Variants in PDE1C observed in about 807,000 individuals in gnomAD.
The protein encoded by PDE1C is dual specificity calcium/calmodulin-dependent 3',5'-cyclic nucleotide phosphodiesterase 1C.
Under a neutral mutation model 93.1 loss-of-function variants are expected in PDE1C, and 62 were observed. The observed-to-expected ratio is 0.67, with a 90% CI of 0.54 to 0.82. The LOEUF is 0.82. Among genes scored for constraint, PDE1C ranks in the 40% least tolerant of loss-of-function variants. PDE1C has a pLI of 0.00. For missense variants in PDE1C, 742 were observed against 884.6 expected, an observed-to-expected ratio of 0.84 and a Z score of 2.04; for synonymous variants, 325 against 310.1, an observed-to-expected ratio of 1.05 and a Z score of -0.50.
the PDE1C span, among the ~76,000 whole-genome samples, chr7:31,635,946 A>T: frequency 5.5e-3 from 844 of 152,184 alleles, 10 homozygotes; most frequent in African/African-American, 0.019. Flanking sequence ...AATTTTTTTT[A>T]AAAAAAGAAA....
At chr7:32,228,100 C>G (rs1430201838) in intron 1 of PDE1C, among the ~76,000 whole-genome samples, 1 of 152,224 alleles carries the variant, frequency 6.6e-6, no homozygotes, top group Non-Finnish European at 1.5e-5. Flanking sequence ...TAACACCTCT[C>G]TACTGTCATT....
At chr7:31,967,502 T>A (rs1810199768) in intron 2 of PDE1C, among the ~76,000 whole-genome samples, 1 of 152,194 alleles carries the variant, frequency 6.6e-6, no homozygotes, top group African/African-American at 2.4e-5. Context: ...CACGACCAGA[T>A]GGATTCACAG....
intron 1 of PDE1C, among the ~76,000 whole-genome samples, chr7:32,061,826 C>A (rs917253888): frequency 1.3e-5 from 2 of 152,142 alleles, no homozygotes; most frequent in Admixed American, 6.5e-5. Flanking sequence ...CAAGTAAATG[C>A]CAATGAGAAA....
chr7:31,933,734 G>A (rs1804647640), intron 2 of PDE1C, among the ~76,000 whole-genome samples: 1 of 152,154 alleles, frequency 6.6e-6, no homozygotes, highest in African/African-American at 2.4e-5. Context: ...AAGCTCATGA[G>A]AGATCTGTTG....
the PDE1C span, among the ~76,000 whole-genome samples, chr7:31,623,301 A>T: frequency 4.2e-3 from 645 of 152,196 alleles, 8 homozygotes; most frequent in African/African-American, 0.015. Flanking sequence ...GACACAACCA[A>T]AAAAGAGAAT....
the PDE1C span, among the ~76,000 whole-genome samples, chr7:31,717,591 A>C: frequency 6.6e-6 from 1 of 152,336 alleles, no homozygotes; most frequent in South Asian, 2.1e-4. Flanking sequence ...CTAGGAAGCT[A>C]ACCAATCAGG....
intron 3 of PDE1C, among the ~76,000 whole-genome samples, chr7:32,122,020 A>C (rs1799328067): frequency 6.6e-6 from 1 of 152,248 alleles, no homozygotes; most frequent in African/African-American, 2.4e-5. Flanking sequence ...AAGGGGAAGG[A>C]GGAAAATTTA....
chr7:31,825,157 C>T (rs1393046081), intron 12 of PDE1C, among the ~76,000 whole-genome samples, 170 bp from the exon 13 acceptor site: 1 of 152,156 alleles, frequency 6.6e-6, no homozygotes, highest in East Asian at 1.9e-4. Flanking sequence ...TTTCATTTCT[C>T]CTACATAACT....
rs117579565 is a variant in PDE1C, at chr7:32,094,428, C to T, written c.308+75357G>A. 1.7e-3 allele frequency among the ~76,000 whole-genome samples: 262 copies of T among 152,206 alleles called. 1 individual carries two copies. The highest frequency in any genetic ancestry group is 3.2e-3 in the Non-Finnish European group (218 of 68,010). ...CACATGATATTTTGCTTGACTGTAG[C>T]GGAGGGTATGTGGATTTTTACTACT... On this transcript the variant is annotated intron_variant, in intron 3 of 18. Coordinates refer to the PDE1C transcript ENST00000396193.
At chr7:31,769,392 T>C (rs756876122) in intron 17 of PDE1C, among the ~76,000 whole-genome samples, 11 of 152,198 alleles carry the variant, frequency 7.2e-5, no homozygotes, top group Admixed American at 1.3e-4. Context: ...TGTCATTCAA[T>C]GTCTTTAGGT....
At chr7:32,389,862 T>G (rs1487385569) in intron 1 of PDE1C, among the ~76,000 whole-genome samples, 1 of 152,202 alleles carries the variant, frequency 6.6e-6, no homozygotes, top group Non-Finnish European at 1.5e-5. Context: ...GAAAAACTTG[T>G]CTAAATTCCA....
chr7:32,404,521 T>TTTTTTTA (rs1447854558), intron 1 of PDE1C, among the ~76,000 whole-genome samples: 4 of 152,048 alleles, frequency 2.6e-5, no homozygotes, highest in Non-Finnish European at 5.9e-5. Context: ...ACCTGGCTAA[T>TTTTTTTA]TTTTTTATTT....
At chr7:31,890,563 A>T (rs1798492066) in intron 2 of PDE1C, among the ~76,000 whole-genome samples, 1 of 152,140 alleles carries the variant, frequency 6.6e-6, no homozygotes, top group Admixed American at 6.5e-5. Flanking sequence ...CCTCAATTGC[A>T]TCATGTTGGT....
chr7:31,994,170 G>C (rs1784457400), intron 2 of PDE1C, among the ~76,000 whole-genome samples: 1 of 152,110 alleles, frequency 6.6e-6, no homozygotes, highest in Non-Finnish European at 1.5e-5. Flanking sequence ...GGTAGAAAGG[G>C]TCACCAATTC....
At chr7:31,878,931 C>T in intron 4 of PDE1C, 65 bp downstream of exon 4, 1 of 1,463,602 alleles carries the variant, frequency 6.8e-7, no homozygotes, top group Non-Finnish European at 9.4e-7. Flanking sequence ...GCAAAGCTTC[C>T]AGTTATTGGA....
At chr7:32,309,284 G>C (rs915631122) in intron 1 of PDE1C, among the ~76,000 whole-genome samples, 1 of 152,214 alleles carries the variant, frequency 6.6e-6, no homozygotes, top group Non-Finnish European at 1.5e-5. Flanking sequence ...TGGTGTACCT[G>C]AAAGTGACAG....
rs146529455 is a variant in PDE1C at position 32,167,910 on chromosome 7, A to C, written c.308+1875T>G. On this transcript the variant is annotated intron_variant, in intron 3 of 18. Transcript: ENST00000396193. ...ATTCATTGATAAATAAACTCTTCCC[A>C]TACCTGAGTACTTTACTTGTAGTAA... 3.0e-3 allele frequency among the ~76,000 whole-genome samples: 454 copies of C among 152,278 alleles called. 4 individuals are homozygous for C. Among genetic ancestry groups the C allele is most frequent in the Non-Finnish European group, 5.3e-3 (359 of 68,016 alleles).
chr7:32,195,600 C>T (rs536004525), intron 2 of PDE1C, among the ~76,000 whole-genome samples: 146 of 152,118 alleles, frequency 9.6e-4, no homozygotes, highest in African/African-American at 3.2e-3. Context: ...GCCTGTAATC[C>T]CAGCACTTTG....
At chr7:32,315,064 C>G (rs1783140213) in intron 1 of PDE1C, among the ~76,000 whole-genome samples, 2 of 148,784 alleles carry the variant, frequency 1.3e-5, no homozygotes, top group South Asian at 4.4e-4. Context: ...GATAAGGATG[C>G]TGGAGTTCTG....
Sources: gnomAD v4.1 joint callset for allele counts (sites outside exome capture counted in the v4.1 genomes callset) on GRCh38, gnomAD v4.1.1 for gene constraint, MANE v1.5 for transcripts, NCBI Gene and HGNC (gene_info 2026-07-23, HGNC 2026-07-21) for gene names.